CYRIB: variants seen among roughly 807,000 people sequenced by gnomAD.
The protein encoded by CYRIB is CYFIP related Rac1 interactor B.
Under a neutral mutation model 44.2 loss-of-function variants are expected in CYRIB, and 8 were observed. The ratio of observed to expected loss-of-function variants is 0.18; its 90% CI spans 0.11 to 0.33. The LOEUF (loss-of-function observed/expected upper bound fraction) is 0.33, where lower values mean the gene tolerates loss of function less well. CYRIB is among the 10% of genes least tolerant of loss of function. The pLI is 1.00. For synonymous variants in CYRIB, 131 were observed against 127.2 expected (o/e 1.03, Z -0.20); for missense variants, 185 against 382.8 (o/e 0.48, Z 4.31).
chr8:129,879,508 T>C, intron 2 of CYRIB, 37 bp from the exon 5 acceptor site: 1 of 1,417,056 alleles, frequency 7.1e-7, no homozygotes, highest in Non-Finnish European at 9.7e-7. Context: ...AAAATATCCC[T>C]TTATAAAAAA....
exon 4 of CYRIB, chr8:129,871,401 T>G (rs769043974): frequency 6.2e-7 from 1 of 1,609,838 alleles, no homozygotes; most frequent in East Asian, 2.2e-5. Context: ...CCAGCTCCTC[T>G]GTATGACTGC....
At chr8:129,908,933 C>CT (rs1350187467) in intron 1 of CYRIB, among the ~76,000 whole-genome samples, 4 of 150,686 alleles carry the variant, frequency 2.7e-5, no homozygotes, top group African/African-American at 9.7e-5. Flanking sequence ...TCAATACATT[C>CT]TTTTTTTATA....
intron 1 of CYRIB, among the ~76,000 whole-genome samples, chr8:129,996,971 G>A (rs2096781942): frequency 6.6e-6 from 1 of 150,920 alleles, no homozygotes; most frequent in Admixed American, 6.6e-5. Context: ...CGTGAACACA[G>A]GCAAAAATCA....
intron 1 of CYRIB, among the ~76,000 whole-genome samples, chr8:130,013,643 G>A (rs1201141363): frequency 6.6e-6 from 1 of 152,216 alleles, no homozygotes; most frequent in Non-Finnish European, 1.5e-5. Flanking sequence ...CGAGATGGCA[G>A]TAATGCTGAG....
At chr8:129,875,145 C>G (rs1159620308) in intron 3 of CYRIB, among the ~76,000 whole-genome samples, 1 of 152,126 alleles carries the variant, frequency 6.6e-6, no homozygotes, top group African/African-American at 2.4e-5. Flanking sequence ...ATTTAGTGAG[C>G]TAGCAGTTAT....
At chr8:129,908,889 T>C (rs1034446616) in intron 1 of CYRIB, among the ~76,000 whole-genome samples, 8 of 152,204 alleles carry the variant, frequency 5.3e-5, no homozygotes, top group Non-Finnish European at 8.8e-5. Context: ...ATCTTAATAC[T>C]GCGCAAATAT....
upstream of CYRIB, among the ~76,000 whole-genome samples, chr8:129,942,564 T>G (rs1454345505): frequency 6.6e-6 from 1 of 152,226 alleles, no homozygotes; most frequent in Non-Finnish European, 1.5e-5. Context: ...TAATCCTTTC[T>G]TCATCATTCT....
chr8:129,950,944 C>T (rs2094469851), intron 2 of CYRIB, among the ~76,000 whole-genome samples: 1 of 152,204 alleles, frequency 6.6e-6, no homozygotes, highest in Admixed American at 6.5e-5. Flanking sequence ...TTCTCTGGAC[C>T]TGTTTCCTCA....
intron 2 of CYRIB, among the ~76,000 whole-genome samples, chr8:129,967,143 A>C (rs2095506800): frequency 6.6e-6 from 1 of 152,202 alleles, no homozygotes; most frequent in Admixed American, 6.5e-5. Flanking sequence ...AGTTTAAAAT[A>C]AAATGAATGC....
At chr8:129,892,321 G>C (rs781622628) in intron 2 of CYRIB, among the ~76,000 whole-genome samples, 4 of 152,086 alleles carry the variant, frequency 2.6e-5, no homozygotes, top group Admixed American at 6.5e-5. Context: ...TTGAAAATAC[G>C]TTATCATTAG....
At chr8:129,862,622 C>T (rs1326026994) in intron 4 of CYRIB, among the ~76,000 whole-genome samples, 1 of 152,172 alleles carries the variant, frequency 6.6e-6, no homozygotes, top group African/African-American at 2.4e-5. Flanking sequence ...AGGCACGCGC[C>T]ACCACACCCA....
exon 12 of CYRIB, chr8:129,841,411 A>C (rs2036255970): frequency 6.6e-6 from 1 of 152,646 alleles, no homozygotes. Flanking sequence ...TTCCATAAAA[A>C]CATACATGGG....
At chr8:129,939,455 G>A (rs186637648) in intron 1 of CYRIB, among the ~76,000 whole-genome samples, 2,290 of 151,886 alleles carry the variant, frequency 0.015, 67 homozygotes, top group African/African-American at 0.052. Context: ...GGGCGTCGCG[G>A]GGCCGGGGGC....
chr8:130,011,391 C>G lies in CYRIB; in HGVS notation c.-296+4979G>C, dbSNP rs564385368. Among the ~76,000 whole-genome samples, 5 of 152,110 alleles carry G rather than the reference C, an allele frequency of 3.3e-5. 1 individual carries two copies. The South Asian group carries it at 1.0e-3, about 32-fold the overall frequency. On this transcript the variant is annotated intron_variant, in intron 1 of 14. Transcript: ENST00000401979. ...CAAAAATTAGCCTGGTGTGGTGGTACGCGCCTGTAATCCCAGCTACTCGGG... is the reference window on the plus strand; with the variant it reads ...CAAAAATTAGCCTGGTGTGGTGGTAGGCGCCTGTAATCCCAGCTACTCGGG...
At chr8:129,841,003 C>A (rs1227287405) in exon 12 of CYRIB, 1 of 152,196 alleles carries the variant, frequency 6.6e-6, no homozygotes, top group African/African-American at 2.4e-5. Flanking sequence ...TTGTTCCAAC[C>A]ATGAGATTTA....
Position 129,852,160 on chromosome 8 carries a change from A to C in CYRIB, c.633+2T>G. The C allele has an allele frequency of 6.5e-7, 1 of 1,533,510 alleles. No homozygotes were observed. The highest frequency in any genetic ancestry group is 8.8e-7 in the Non-Finnish European group (1 of 1,135,114). 95.0% of individuals were successfully genotyped at this position (1,533,510 alleles called of 1,614,324 possible). On this transcript the variant is annotated splice_donor_variant, in intron 8 of 11. Coordinates refer to ENST00000519824, the Ensembl canonical transcript of CYRIB. LOFTEE classifies it high-confidence loss of function. ...CAGAGTACCTGCCTAGGCAATGCTT[A>C]CCTCTGATACAAATTTTGTTGTGGC...
intron 7 of CYRIB, among the ~76,000 whole-genome samples, chr8:129,853,166 A>C (rs899670519): frequency 1.3e-5 from 2 of 152,200 alleles, no homozygotes; most frequent in South Asian, 4.1e-4. Flanking sequence ...GTAATTATTG[A>C]GGGTAAAAGG....
At chr8:129,864,080 G>A (rs897702818) in intron 4 of CYRIB, among the ~76,000 whole-genome samples, 3 of 152,194 alleles carry the variant, frequency 2.0e-5, no homozygotes, top group African/African-American at 7.2e-5. Flanking sequence ...CAAATTAGCT[G>A]CAAACTGAAT....
chr8:129,924,314 G>GGGGA lies in CYRIB; in HGVS notation c.-50+15293_-50+15294insTCCC, dbSNP rs1554645242. 1.0e-3 allele frequency among the ~76,000 whole-genome samples: 36 copies of GGGGA among 34,940 alleles called. 4 individuals are homozygous for GGGGA. Among genetic ancestry groups the GGGGA allele is most frequent in the South Asian group, 4.4e-3 (3 of 686 alleles). 22.9% of individuals were successfully genotyped at this position (34,940 alleles called of 152,430 possible). On this transcript the variant is annotated intron_variant, in intron 1 of 11. Coordinates refer to ENST00000519824, the Ensembl canonical transcript of CYRIB. The stretch of plus-strand genomic sequence containing the variant: ...ACCGGGGGGGGGGGGGGTGGCGGGG[G>GGGGA]GGGTGTTACTTACCTCACATCAGTG...
Sources: gnomAD v4.1 joint callset for allele counts (sites outside exome capture counted in the v4.1 genomes callset) on GRCh38, gnomAD v4.1.1 for gene constraint, MANE v1.5 for transcripts, NCBI Gene and HGNC (gene_info 2026-07-23, HGNC 2026-07-21) for gene names.